The following ZMYND11 variants were observed in gnomAD, a reference collection of about 807,000 sequenced individuals.
ZMYND11 encodes the protein zinc finger MYND-type containing 11, also known as zinc finger MYND domain-containing protein 11.
ZMYND11 carries 9 observed loss-of-function variants against 84.9 expected under a neutral mutation model. The observed-to-expected ratio is 0.11, with a 90% CI of 0.06 to 0.18. The LOEUF (loss-of-function observed/expected upper bound fraction) is 0.18, where lower values mean the gene tolerates loss of function less well. Ranked by LOEUF, ZMYND11 falls within the 10% of genes least tolerant of loss-of-function variation. The pLI, the probability that ZMYND11 is intolerant of heterozygous loss-of-function variation, is 1.00. For synonymous variants in ZMYND11, 250 were observed against 244.1 expected (o/e 1.02, Z -0.23); for missense variants, 409 against 761.0 (o/e 0.54, Z 5.44).
chr10:166,203 T>C (rs1265371673), intron 1 of ZMYND11, among the ~76,000 whole-genome samples: 2 of 152,148 alleles, frequency 1.3e-5, no homozygotes, highest in African/African-American at 4.8e-5. Flanking sequence ...GATTCTTAGG[T>C]ATGATACCAA....
chr10:218,898 C>T (rs1259234693), intron 3 of ZMYND11, among the ~76,000 whole-genome samples: 1 of 152,196 alleles, frequency 6.6e-6, no homozygotes, highest in East Asian at 1.9e-4. Context: ...ATTCATCCCT[C>T]AGGAAAATGT....
At chr10:167,755 T>C (rs984844207) in intron 1 of ZMYND11, among the ~76,000 whole-genome samples, 5 of 152,260 alleles carry the variant, frequency 3.3e-5, no homozygotes, top group Middle Eastern at 3.4e-3. Flanking sequence ...TACCTGGTAG[T>C]TAACCATTTA....
intron 2 of ZMYND11, among the ~76,000 whole-genome samples, chr10:197,615 A>G (rs760124789): frequency 6.6e-6 from 1 of 152,166 alleles, no homozygotes; most frequent in Non-Finnish European, 1.5e-5. Context: ...AATGTCCATA[A>G]AGCAAATCAG....
chr10:234,594 C>A (rs1949602987), intron 4 of ZMYND11, among the ~76,000 whole-genome samples: 1 of 152,128 alleles, frequency 6.6e-6, no homozygotes. Flanking sequence ...TAGATAAATT[C>A]ATATTTTAAT....
intron 1 of ZMYND11, among the ~76,000 whole-genome samples, chr10:156,957 C>T (rs1438160832): frequency 6.6e-6 from 1 of 152,140 alleles, no homozygotes; most frequent in African/African-American, 2.4e-5. Flanking sequence ...TTTGATATTT[C>T]TAATGGCAGA....
chr10:247,688 CTTAA>C (rs1952442280), intron 12 of ZMYND11, among the ~76,000 whole-genome samples: 1 of 152,186 alleles, frequency 6.6e-6, no homozygotes. Flanking sequence ...AAGTCTCCAT[CTTAA>C]TTAAGCAGCC....
At chr10:198,607 C>T (rs1942355769) in intron 2 of ZMYND11, among the ~76,000 whole-genome samples, 1 of 152,024 alleles carries the variant, frequency 6.6e-6, no homozygotes, top group Non-Finnish European at 1.5e-5. Context: ...TAAAATATTT[C>T]ACCTCTCGTT....
At chr10:155,616 G>C (rs1841511865) in intron 1 of ZMYND11, among the ~76,000 whole-genome samples, 1 of 152,194 alleles carries the variant, frequency 6.6e-6, no homozygotes, top group African/African-American at 2.4e-5. Flanking sequence ...AAAAGGTTTT[G>C]CTTGAAATGA....
chr10:252,792 G>T lies in ZMYND11; in HGVS notation c.*322G>T. 1 of 209,436 alleles carries T rather than the reference G, an allele frequency of 4.8e-6. No individual in the cohort carries two copies. Among genetic ancestry groups the T allele is most frequent in the Non-Finnish European group, 9.6e-6 (1 of 103,942 alleles). The allele number at this position is 209,436 out of a possible 1,614,324, so 13.0% of individuals were successfully genotyped here. A position where few individuals can be genotyped will look rare whatever the true frequency, so the allele number is the denominator to read the frequency against. The stretch of plus-strand genomic sequence containing the variant: ...TTAAACAACAGATCTTTAAAAAACA[G>T]GTGAATACAAGTGAGTTTAACAAAG... On this transcript the variant is annotated 3_prime_UTR_variant, in exon 15 of 15. Transcript: ENST00000381604. This position sits in a 1 kb window ranked among gnomAD's most constrained non-coding sequence, Gnocchi z 4.6.
intron 1 of ZMYND11, among the ~76,000 whole-genome samples, chr10:153,751 CTT>C (rs1187974057): frequency 1.3e-5 from 2 of 152,178 alleles, no homozygotes; most frequent in Admixed American, 6.5e-5. Context: ...GGTCACAACA[CTT>C]TTATAAACCA....
At chr10:212,937 G>T (rs1037571193) in intron 3 of ZMYND11, among the ~76,000 whole-genome samples, 1 of 152,122 alleles carries the variant, frequency 6.6e-6, no homozygotes, top group African/African-American at 2.4e-5. Flanking sequence ...AATTATATGT[G>T]TATTTTGTTA....
intron 3 of ZMYND11, among the ~76,000 whole-genome samples, chr10:219,868 C>G (rs1946835393): frequency 6.6e-6 from 1 of 152,126 alleles, no homozygotes; most frequent in Admixed American, 6.5e-5. Flanking sequence ...CACAGACTGC[C>G]AATTTCTTAA....
intron 2 of ZMYND11, among the ~76,000 whole-genome samples, chr10:205,324 T>G (rs1334972628): frequency 6.6e-6 from 1 of 152,226 alleles, no homozygotes; most frequent in African/African-American, 2.4e-5. Flanking sequence ...TAGCATTTTT[T>G]TGTATGTTTG....
intron 1 of ZMYND11, among the ~76,000 whole-genome samples, chr10:140,960 G>C (rs1387047493): frequency 7.2e-5 from 11 of 152,190 alleles, no homozygotes; most frequent in Admixed American, 6.5e-4. Flanking sequence ...GAATACTACT[G>C]TATCAGAGTT....
chr10:184,745 T>C (rs1326812514), intron 2 of ZMYND11, among the ~76,000 whole-genome samples: 1 of 152,194 alleles, frequency 6.6e-6, no homozygotes, highest in Non-Finnish European at 1.5e-5. Context: ...TTACGTGAAA[T>C]CACTTTCCCT....
intron 3 of ZMYND11, among the ~76,000 whole-genome samples, chr10:216,620 G>C (rs1222605973): frequency 6.6e-6 from 1 of 152,050 alleles, no homozygotes; most frequent in African/African-American, 2.4e-5. Context: ...ACAATCATTT[G>C]CCAAGTGAAT....
chr10:207,317 A>AT (rs1329512862), intron 2 of ZMYND11, among the ~76,000 whole-genome samples: 1 of 152,194 alleles, frequency 6.6e-6, no homozygotes, highest in Non-Finnish European at 1.5e-5. Context: ...ATGTGTCTTT[A>AT]TAGCAGCATG....
chr10:171,883 A>G (rs1554765804), intron 1 of ZMYND11, among the ~76,000 whole-genome samples: 1 of 152,168 alleles, frequency 6.6e-6, no homozygotes, highest in Non-Finnish European at 1.5e-5. Flanking sequence ...TAGCTGTCTT[A>G]CTCTATTCCT....
chr10:159,285 A>T (rs1191480344), intron 1 of ZMYND11, among the ~76,000 whole-genome samples: 5 of 151,988 alleles, frequency 3.3e-5, no homozygotes, highest in African/African-American at 1.2e-4. Context: ...CAAAGAGTAA[A>T]TGTATATGTA....
Sources: gnomAD v4.1 joint callset for allele counts (sites outside exome capture counted in the v4.1 genomes callset) on GRCh38, gnomAD v4.1.1 for gene constraint, Gnocchi (gnomAD v3.1) non-coding constraint, MANE v1.5 for transcripts, NCBI Gene and HGNC (gene_info 2026-07-23, HGNC 2026-07-21) for gene names.